The following SFT2D3 variants were observed in gnomAD, a reference collection of about 807,000 sequenced individuals.
SFT2D3 encodes the protein vesicle transport protein SFT2C.
For synonymous variants in SFT2D3, 239 were observed against 191.2 expected, an observed-to-expected ratio of 1.25 and a Z score of -2.06; for missense variants, 405 against 334.6, an observed-to-expected ratio of 1.21 and a Z score of -1.64.
At position 127,702,876 on chromosome 2, in the gene SFT2D3, G is replaced by A. The variant is rs1424613760; in HGVS notation, c.*700G>A. 3.6e-5 allele frequency: 6 copies of A among 166,754 alleles called. No homozygotes were observed. Among genetic ancestry groups the A allele is most frequent in the Non-Finnish European group, 8.8e-5 (6 of 68,118 alleles). 10.3% of individuals were successfully genotyped at this position (166,754 alleles called of 1,614,324 possible). A position where few individuals can be genotyped will look rare whatever the true frequency, so the allele number is the denominator to read the frequency against. ...AGGAAGGGGCGCGTAGATGCTTAACGGTCTCTTCGGAAATCCTGCAAATAG... is the reference window on the plus strand; with the variant it reads ...AGGAAGGGGCGCGTAGATGCTTAACAGTCTCTTCGGAAATCCTGCAAATAG... On this transcript the variant is annotated 3_prime_UTR_variant, in exon 1 of 1. Coordinates refer to ENST00000310981, the MANE Select transcript of SFT2D3 (RefSeq NM_032740.4).
In SFT2D3 at chr2:127,702,328, G is replaced by A. The variant is rs13405026; in HGVS notation, c.*152G>A. On this transcript the variant is annotated 3_prime_UTR_variant, in exon 1 of 1. Coordinates refer to ENST00000310981, the MANE Select transcript of SFT2D3 (RefSeq NM_032740.4). ...CGAGTCTAATCCGGGAGCGGCTGCT[G>A]CCAGCGGAGGCGACAGCAGCGTTGG... 1,305 of 767,498 alleles carry A rather than the reference G, an allele frequency of 1.7e-3. 17 individuals carry two copies. The African/African-American group carries it at 0.022, about 13-fold the overall frequency. 47.5% of individuals were successfully genotyped at this position (767,498 alleles called of 1,614,324 possible).
Position 127,701,684 on chromosome 2 carries a change from G to T in SFT2D3, c.156G>T (p.Thr52=). The change falls in exon 1 of 1, where the codon ACG becomes ACT. Residue 52 remains threonine (T), a synonymous_variant. Transcript: ENST00000310981. ...EWLGRAGLRW[T]WARSPAESAA... is the part of the protein sequence containing the mutation. Reference sequence around the variant, plus strand: ...TGGGCCGCGCGGGCTTGCGCTGGACGTGGGCGCGGAGCCCTGCGGAGTCGG... The same window carrying T: ...TGGGCCGCGCGGGCTTGCGCTGGACTTGGGCGCGGAGCCCTGCGGAGTCGG... 7.7e-7 allele frequency: 1 copy of T among 1,299,544 alleles called. No individual in the cohort carries two copies. 80.5% of individuals were successfully genotyped at this position (1,299,544 alleles called of 1,614,324 possible).
Position 127,702,214 on chromosome 2 carries a change from C to T in SFT2D3, c.*38C>T. On this transcript the variant is annotated 3_prime_UTR_variant, in exon 1 of 1. Coordinates refer to ENST00000310981, the MANE Select transcript of SFT2D3 (RefSeq NM_032740.4). ...CTCGCCGCTGGGGAAGTACGCGGAG[C>T]CAGCGCCGTCGGAGACCGCGCCGGC... The T allele has an allele frequency of 8.3e-7, 1 of 1,206,264 alleles. No homozygotes were observed. Among genetic ancestry groups the T allele is most frequent in the South Asian group, 4.1e-5 (1 of 24,112 alleles). The allele number at this position is 1,206,264 out of a possible 1,614,324, so 74.7% of individuals were successfully genotyped here. A position where few individuals can be genotyped will look rare whatever the true frequency, so the allele number is the denominator to read the frequency against.
At position 127,702,267 on chromosome 2, in the gene SFT2D3, G is replaced by A; in HGVS notation, c.*91G>A. 8.9e-7 allele frequency: 1 copy of A among 1,127,420 alleles called. No homozygotes were observed. 69.8% of individuals were successfully genotyped at this position (1,127,420 alleles called of 1,614,324 possible). A position where few individuals can be genotyped will look rare whatever the true frequency, so the allele number is the denominator to read the frequency against. On this transcript the variant is annotated 3_prime_UTR_variant, in exon 1 of 1. Transcript: ENST00000310981. ...AGCTGAGGACTGCACGCCGCTGTGC[G>A]GAAGCCCGTGGCGAAGGCCCTGCCC...
At position 127,702,734 on chromosome 2, in the gene SFT2D3, T is replaced by A. The variant is rs562617396; in HGVS notation, c.*558T>A. On this transcript the variant is annotated 3_prime_UTR_variant, in exon 1 of 1. Coordinates refer to ENST00000310981, the MANE Select transcript of SFT2D3 (RefSeq NM_032740.4). ...AGATGGTTTATCTCGGGTTTTTTCT[T>A]CAGTTAACAAAATCATAAATATGGT... is the stretch of plus-strand genomic sequence containing the variant. 1 of 167,224 alleles carries A rather than the reference T, an allele frequency of 6.0e-6. No individual in the cohort carries two copies. Among genetic ancestry groups the A allele is most frequent in the African/African-American group, 2.4e-5 (1 of 41,592 alleles). 10.4% of individuals were successfully genotyped at this position (167,224 alleles called of 1,614,324 possible).
rs750621759 is a variant in SFT2D3, at chr2:127,701,996, G to T, written c.468G>T (p.Thr156=). Residue 156 remains threonine, a synonymous_variant, in exon 1 of 1, where the codon ACG becomes ACT. Transcript: ENST00000310981. ...ALLYMAALGA[T]LFAALGLRST... ...TCTACATGGCAGCGCTGGGCGCCAC[G>T]CTGTTCGCCGCGCTGGGCCTTCGCA... is the stretch of plus-strand genomic sequence containing the variant. The T allele has an allele frequency of 7.1e-4, 937 of 1,326,950 alleles. No individual in the cohort carries two copies. The highest frequency in any genetic ancestry group is 8.4e-4 in the Middle Eastern group (3 of 3,554). 82.2% of individuals were successfully genotyped at this position (1,326,950 alleles called of 1,614,324 possible). A position where few individuals can be genotyped will look rare whatever the true frequency, so the allele number is the denominator to read the frequency against.
At position 127,702,443 on chromosome 2, in the gene SFT2D3, C is replaced by T. The variant is rs1685917078; in HGVS notation, c.*267C>T. On this transcript the variant is annotated 3_prime_UTR_variant, in exon 1 of 1. Coordinates refer to ENST00000310981, the MANE Select transcript of SFT2D3 (RefSeq NM_032740.4). ...ATTGAACTGGTGACAGGATGTGAGA[C>T]GGTTATTAGAAGTTGCTTTCGAAGT... is the stretch of plus-strand genomic sequence containing the variant. 2 of 262,614 alleles carry T rather than the reference C, an allele frequency of 7.6e-6. No individual in the cohort carries two copies. 16.3% of individuals were successfully genotyped at this position (262,614 alleles called of 1,614,324 possible).
rs1006567810 is a variant in SFT2D3 at position 127,703,643 on chromosome 2, G to A, written c.*1467G>A. 9.6e-5 allele frequency: 16 copies of A among 167,092 alleles called. No homozygotes were observed. The highest frequency in any genetic ancestry group is 3.9e-4 in the African/African-American group (16 of 41,462). 10.4% of individuals were successfully genotyped at this position (167,092 alleles called of 1,614,324 possible). Reference sequence around the variant, plus strand: ...ACCTACCTCAGGAGGCTGCTTGTGAGAGAGCAAATGCAGTATCTTCAGAAT... The same window carrying A: ...ACCTACCTCAGGAGGCTGCTTGTGAAAGAGCAAATGCAGTATCTTCAGAAT... On this transcript the variant is annotated 3_prime_UTR_variant, in exon 1 of 1. Transcript: ENST00000310981.
rs1324890822 is a variant in SFT2D3 at position 127,701,544 on chromosome 2, C to T, written c.16C>T (p.Arg6Cys). ...CTTGTCCAAGATGGCGGACCTCCACCGCCAGCTGCAGGAGTACCTGGCGCA... is the reference window on the plus strand; with the variant it reads ...CTTGTCCAAGATGGCGGACCTCCACTGCCAGCTGCAGGAGTACCTGGCGCA... MADLH[R>C]QLQEYLAQGK... Residue 6 changes from arginine to cysteine, a missense_variant, in exon 1 of 1, where the codon CGC (arginine) becomes TGC (cysteine). Arg to Cys is a radical substitution (Grantham distance 180). Coordinates refer to ENST00000310981, the MANE Select transcript of SFT2D3 (RefSeq NM_032740.4). The T allele has an allele frequency of 1.5e-6, 2 of 1,345,472 alleles. No individual in the cohort carries two copies. The highest frequency in any genetic ancestry group is 1.9e-6 in the Non-Finnish European group (2 of 1,046,888). 83.3% of individuals were successfully genotyped at this position (1,345,472 alleles called of 1,614,324 possible).
Position 127,701,969 on chromosome 2 carries a change from G to GCT in SFT2D3, c.444_445dup (p.Tyr149SerfsTer146), listed in dbSNP as rs1468051980. The GCT allele has an allele frequency of 1.2e-5, 16 of 1,379,278 alleles. No individual in the cohort carries two copies. Among genetic ancestry groups the GCT allele is most frequent in the Non-Finnish European group, 1.4e-5 (15 of 1,072,028 alleles). The allele number at this position is 1,379,278 out of a possible 1,614,324, so 85.4% of individuals were successfully genotyped here. On this transcript the variant is annotated frameshift_variant, in exon 1 of 1. Coordinates refer to ENST00000310981, the MANE Select transcript of SFT2D3 (RefSeq NM_032740.4). LOFTEE classifies it low-confidence loss of function (END_TRUNC). ...AAGAAGCGCCGTCCCGGCCCGCGCT[G>GCT]CTCTACATGGCAGCGCTGGGCGCCA...
Position 127,701,556 on chromosome 2 carries a change from G to T in SFT2D3, c.28G>T (p.Glu10Ter). ...GGCGGACCTCCACCGCCAGCTGCAG[G>T]AGTACCTGGCGCAGGGGAAAGCTGG... MADLHRQLQ[E>*]YLAQGKAGGP... is the part of the protein sequence containing the mutation. The change falls in exon 1 of 1, where the codon GAG becomes TAG. Residue 10 changes from glutamate (E) to a stop codon, truncating the protein, a stop_gained. Transcript: ENST00000310981. LOFTEE classifies it low-confidence loss of function (END_TRUNC). The T allele has an allele frequency of 7.3e-7, 1 of 1,368,494 alleles. No homozygotes were observed. Among genetic ancestry groups the T allele is most frequent in the Non-Finnish European group, 9.4e-7 (1 of 1,059,880 alleles). The allele number at this position is 1,368,494 out of a possible 1,614,324, so 84.8% of individuals were successfully genotyped here. A position where few individuals can be genotyped will look rare whatever the true frequency, so the allele number is the denominator to read the frequency against.
Position 127,701,676 on chromosome 2 carries a change from C to G in SFT2D3, c.148C>G (p.Arg50Gly). ...AEEWLGRAGL[R>G]WTWARSPAES... The stretch of plus-strand genomic sequence containing the variant: ...GGAGTGGCTGGGCCGCGCGGGCTTG[C>G]GCTGGACGTGGGCGCGGAGCCCTGC... The change falls in exon 1 of 1, where the codon CGC becomes GGC. Residue 50 changes from arginine to glycine, a missense_variant. Arg to Gly is a moderately radical substitution (Grantham distance 125). Coordinates refer to ENST00000310981, the MANE Select transcript of SFT2D3 (RefSeq NM_032740.4). 7.7e-7 allele frequency: 1 copy of G among 1,301,272 alleles called. No homozygotes were observed. Among genetic ancestry groups the G allele is most frequent in the Non-Finnish European group, 9.7e-7 (1 of 1,030,406 alleles). The allele number at this position is 1,301,272 out of a possible 1,614,324, so 80.6% of individuals were successfully genotyped here.
At position 127,701,820 on chromosome 2, in the gene SFT2D3, G is replaced by T. The variant is rs867853117; in HGVS notation, c.292G>T (p.Ala98Ser). The T allele has an allele frequency of 4.1e-6, 6 of 1,457,244 alleles. No individual in the cohort carries two copies. The highest frequency in any genetic ancestry group is 4.5e-6 in the Non-Finnish European group (5 of 1,108,968). 90.3% of individuals were successfully genotyped at this position (1,457,244 alleles called of 1,614,324 possible). A position where few individuals can be genotyped will look rare whatever the true frequency, so the allele number is the denominator to read the frequency against. The change falls in exon 1 of 1, where the codon GCA (alanine) becomes TCA (serine). Residue 98 changes from alanine (A) to serine (S), a missense_variant. Transcript: ENST00000310981. Reference protein sequence around the residue: ...ALCFGLAALYAPVLLLRARKF... With the variant: ...ALCFGLAALYSPVLLLRARKF... ...GTGTTTCGGCCTAGCCGCGCTCTAC[G>T]CACCGGTGTTGCTGCTGCGCGCGCG...
Position 127,701,597 on chromosome 2 carries a change from G to A in SFT2D3, c.69G>A (p.Ala23=). The change falls in exon 1 of 1, where the codon GCG becomes GCA. Residue 23 remains alanine (A), a synonymous_variant. Transcript: ENST00000310981. ...GGAAAGCTGGCGGCCCGGCGGCCGCGGAGCCGCTGCTCGCCGCGGAGAAGG... is the reference window on the plus strand; with the variant it reads ...GGAAAGCTGGCGGCCCGGCGGCCGCAGAGCCGCTGCTCGCCGCGGAGAAGG... ...AQGKAGGPAA[A]EPLLAAEKAE... is the part of the protein sequence containing the mutation. 7.4e-7 allele frequency: 1 copy of A among 1,352,310 alleles called. No individual in the cohort carries two copies. The highest frequency in any genetic ancestry group is 9.5e-7 in the Non-Finnish European group (1 of 1,053,544). The allele number at this position is 1,352,310 out of a possible 1,614,324, so 83.8% of individuals were successfully genotyped here. A position where few individuals can be genotyped will look rare whatever the true frequency, so the allele number is the denominator to read the frequency against.
At position 127,701,975 on chromosome 2, in the gene SFT2D3, C is replaced by T. The variant is rs1685901247; in HGVS notation, c.447C>T (p.Tyr149=). The T allele has an allele frequency of 2.9e-6, 4 of 1,367,540 alleles. No homozygotes were observed. The highest frequency in any genetic ancestry group is 1.5e-5 in the African/African-American group (1 of 64,898). The allele number at this position is 1,367,540 out of a possible 1,614,324, so 84.7% of individuals were successfully genotyped here. ...CGCCGTCCCGGCCCGCGCTGCTCTA[C>T]ATGGCAGCGCTGGGCGCCACGCTGT... is the stretch of plus-strand genomic sequence containing the variant. ...EEAPSRPALL[Y]MAALGATLFA... Residue 149 remains tyrosine, a synonymous_variant, in exon 1 of 1, where the codon TAC becomes TAT. Transcript: ENST00000310981.
Position 127,702,093 on chromosome 2 carries a change from C to T in SFT2D3, c.565C>T (p.Pro189Ser). The T allele has an allele frequency of 2.5e-6, 3 of 1,216,702 alleles. No homozygotes were observed. Among genetic ancestry groups the T allele is most frequent in the Non-Finnish European group, 3.1e-6 (3 of 980,856 alleles). The allele number at this position is 1,216,702 out of a possible 1,614,324, so 75.4% of individuals were successfully genotyped here. ...ALLAALVGLL[P>S]WGGGTALRLA... ...GCTGGCCGCGCTGGTTGGGCTGCTG[C>T]CCTGGGGCGGCGGCACCGCGCTGCG... Residue 189 changes from proline (P) to serine (S), a missense_variant, in exon 1 of 1, where the codon CCC (proline) becomes TCC (serine). Coordinates refer to ENST00000310981, the MANE Select transcript of SFT2D3 (RefSeq NM_032740.4).
Position 127,704,624 on chromosome 2 carries a change from AAAAT to A in SFT2D3, c.*2450_*2453del, listed in dbSNP as rs1259836275. Reference sequence around the variant, plus strand: ...AAGCTGTAATTTCAAAGTTAAAAAAAAAATAGTCTCTAGATTCTAACACTGAAAA... The same window carrying A: ...AAGCTGTAATTTCAAAGTTAAAAAAAAGTCTCTAGATTCTAACACTGAAAA... On this transcript the variant is annotated 3_prime_UTR_variant, in exon 1 of 1. Coordinates refer to ENST00000310981, the MANE Select transcript of SFT2D3 (RefSeq NM_032740.4). 1 of 167,126 alleles carries A rather than the reference AAAAT, an allele frequency of 6.0e-6. No homozygotes were observed. The highest frequency in any genetic ancestry group is 2.4e-5 in the African/African-American group (1 of 41,470). 10.4% of individuals were successfully genotyped at this position (167,126 alleles called of 1,614,324 possible).
In SFT2D3 at chr2:127,701,678, C is replaced by A; in HGVS notation, c.150C>A (p.Arg50=). The A allele has an allele frequency of 7.7e-7, 1 of 1,301,464 alleles. No individual in the cohort carries two copies. Among genetic ancestry groups the A allele is most frequent in the Non-Finnish European group, 9.7e-7 (1 of 1,030,548 alleles). 80.6% of individuals were successfully genotyped at this position (1,301,464 alleles called of 1,614,324 possible). A position where few individuals can be genotyped will look rare whatever the true frequency, so the allele number is the denominator to read the frequency against. The stretch of plus-strand genomic sequence containing the variant: ...AGTGGCTGGGCCGCGCGGGCTTGCG[C>A]TGGACGTGGGCGCGGAGCCCTGCGG... ...AEEWLGRAGL[R]WTWARSPAES... is the part of the protein sequence containing the mutation. The change falls in exon 1 of 1, where the codon CGC becomes CGA. Residue 50 remains arginine (R), a synonymous_variant. Transcript: ENST00000310981.
In SFT2D3 at chr2:127,701,752, A is replaced by T; in HGVS notation, c.224A>T (p.Gln75Leu). Residue 75 changes from glutamine (Q) to leucine (L), a missense_variant, in exon 1 of 1, where the codon CAG (glutamine) becomes CTG (leucine). Gln to Leu is a moderately radical substitution (Grantham distance 113). Transcript: ENST00000310981. Reference protein sequence around the residue: ...LTCLPSVTRGQRLAAGGGCLL... With the variant: ...LTCLPSVTRGLRLAAGGGCLL... ...TGCCTCCCGAGCGTGACGCGCGGGC[A>T]GCGGCTGGCGGCGGGCGGCGGGTGC... 1 of 1,418,452 alleles carries T rather than the reference A, an allele frequency of 7.0e-7. No homozygotes were observed. The highest frequency in any genetic ancestry group is 9.2e-7 in the Non-Finnish European group (1 of 1,085,910). The allele number at this position is 1,418,452 out of a possible 1,614,324, so 87.9% of individuals were successfully genotyped here. A position where few individuals can be genotyped will look rare whatever the true frequency, so the allele number is the denominator to read the frequency against.
Sources: gnomAD v4.1 joint callset for allele counts on GRCh38, gnomAD v4.1.1 for gene constraint, MANE v1.5 for transcripts, NCBI Gene and HGNC (gene_info 2026-07-23, HGNC 2026-07-21) for gene names.